The following GALNT13 variants were observed in gnomAD, a reference collection of about 807,000 sequenced individuals.
GALNT13 encodes UDP-GalNAc:polypeptide N-acetylgalactosaminyltransferase 13.
A neutral mutation model predicts 64.2 loss-of-function variants in GALNT13; 28 were observed. The ratio of observed to expected loss-of-function variants is 0.44; its 90% CI spans 0.32 to 0.60. The LOEUF is 0.60. Ranked by LOEUF, GALNT13 falls within the 20% of genes least tolerant of loss-of-function variation. The pLI is 0.05. For missense variants in GALNT13, 577 were observed against 669.8 expected, an observed-to-expected ratio of 0.86 and a Z score of 1.53; for synonymous variants, 214 against 224.6, an observed-to-expected ratio of 0.95 and a Z score of 0.42.
chr2:153,112,185 C>G, the GALNT13 span, among the ~76,000 whole-genome samples: 1 of 152,118 alleles, frequency 6.6e-6, no homozygotes, highest in South Asian at 2.1e-4. Context: ...GGAACTGAAC[C>G]CTTATCTCAT....
At chr2:154,432,248 T>C (rs531081557) in intron 11 of GALNT13, among the ~76,000 whole-genome samples, 16 of 152,196 alleles carry the variant, frequency 1.1e-4, no homozygotes, top group South Asian at 2.1e-4. Context: ...TTTTATACTA[T>C]TGGAAAGTAT....
At chr2:153,517,112 G>C in the GALNT13 span, among the ~76,000 whole-genome samples, 1 of 152,160 alleles carries the variant, frequency 6.6e-6, no homozygotes, top group Non-Finnish European at 1.5e-5. Flanking sequence ...CTATTGCAAG[G>C]GACTAGTGGT....
rs182309513 is a variant in GALNT13 at position 154,409,267 on chromosome 2, A to G, written c.1395+185A>G. ...GATCTTAAAGGAGAGCTGAAAAATT[A>G]AAATAAAAAGAGCAACACTTTCAGT... On this transcript the variant is annotated intron_variant, in intron 11 of 12. Coordinates refer to ENST00000392825, the MANE Select transcript of GALNT13 (RefSeq NM_052917.4). The G allele has an allele frequency of 9.9e-4, 584 of 591,608 alleles. 2 individuals are homozygous for G. The highest frequency in any genetic ancestry group is 4.8e-4 in the Non-Finnish European group (158 of 332,228). The allele number at this position is 591,608 out of a possible 1,614,324, so 36.6% of individuals were successfully genotyped here. A position where few individuals can be genotyped will look rare whatever the true frequency, so the allele number is the denominator to read the frequency against.
chr2:154,046,741 G>T (rs1298214992), intron 3 of GALNT13, among the ~76,000 whole-genome samples: 1 of 152,070 alleles, frequency 6.6e-6, no homozygotes, highest in African/African-American at 2.4e-5. Context: ...CTTATAAGAG[G>T]AAAAGACACT....
chr2:153,440,722 T>C, the GALNT13 span, among the ~76,000 whole-genome samples: 1 of 152,230 alleles, frequency 6.6e-6, no homozygotes, highest in African/African-American at 2.4e-5. Flanking sequence ...CTTTTTTTCA[T>C]ATGTCTGTTG....
the GALNT13 span, among the ~76,000 whole-genome samples, chr2:153,799,685 C>T: frequency 3.2e-4 from 49 of 152,172 alleles, 1 homozygote; most frequent in African/African-American, 1.4e-4. Context: ...CCTATATCAC[C>T]GTATCAGATA....
At chr2:153,645,704 A>G in the GALNT13 span, among the ~76,000 whole-genome samples, 6 of 152,118 alleles carry the variant, frequency 3.9e-5, no homozygotes, top group Non-Finnish European at 7.4e-5. Flanking sequence ...GAAAAAAAGC[A>G]TTTTTTATGT....
At chr2:153,738,697 G>T in the GALNT13 span, among the ~76,000 whole-genome samples, 3 of 151,784 alleles carry the variant, frequency 2.0e-5, no homozygotes, top group African/African-American at 7.2e-5. Context: ...TCTTTGAGTT[G>T]ATTTTTTAGG....
chr2:153,943,562 T>A (rs1691498222), intron 2 of GALNT13, among the ~76,000 whole-genome samples: 1 of 152,028 alleles, frequency 6.6e-6, no homozygotes, highest in Admixed American at 6.6e-5. Context: ...TTGTGTGATC[T>A]CAGCTTACTG....
At chr2:154,317,209 CAAA>C (rs10711591) in intron 9 of GALNT13, among the ~76,000 whole-genome samples, 3 of 103,370 alleles carry the variant, frequency 2.9e-5, no homozygotes, top group African/African-American at 3.7e-5. Context: ...CGAGACATCT[CAAA>C]AAAAAAAAAA....
At chr2:153,556,663 T>TTAAG in the GALNT13 span, among the ~76,000 whole-genome samples, 1 of 152,204 alleles carries the variant, frequency 6.6e-6, no homozygotes, top group Non-Finnish European at 1.5e-5. Flanking sequence ...TACAAGTGTG[T>TTAAG]TAAGTAGCCT....
chr2:153,434,090 T>TC, the GALNT13 span, among the ~76,000 whole-genome samples: 1 of 152,202 alleles, frequency 6.6e-6, no homozygotes, highest in South Asian at 2.1e-4. Context: ...TTTGGTTTTT[T>TC]GTCCTGGCAA....
the GALNT13 span, among the ~76,000 whole-genome samples, chr2:153,219,148 C>A: frequency 6.6e-6 from 1 of 152,196 alleles, no homozygotes; most frequent in Non-Finnish European, 1.5e-5. Flanking sequence ...GCATCCAATT[C>A]ATCAGGGAAT....
chr2:154,394,918 T>C (rs1180452112), intron 9 of GALNT13, among the ~76,000 whole-genome samples: 1 of 152,180 alleles, frequency 6.6e-6, no homozygotes, highest in Non-Finnish European at 1.5e-5. Context: ...GACAAGAAGG[T>C]CGGAGCTAGT....
chr2:153,197,946 G>A, the GALNT13 span, among the ~76,000 whole-genome samples: 2 of 152,166 alleles, frequency 1.3e-5, no homozygotes, highest in African/African-American at 4.8e-5. Context: ...CATGCACTTG[G>A]GCTCCCTTTG....
chr2:153,932,343 G>A (rs550376679), intron 2 of GALNT13, among the ~76,000 whole-genome samples: 1 of 151,458 alleles, frequency 6.6e-6, no homozygotes, highest in Admixed American at 6.6e-5. Context: ...AGATCAATTT[G>A]CCCTTGTTTT....
chr2:154,271,171 T>C (rs1691334039), intron 8 of GALNT13, among the ~76,000 whole-genome samples: 1 of 151,934 alleles, frequency 6.6e-6, no homozygotes, highest in Non-Finnish European at 1.5e-5. Flanking sequence ...ATAATGTTAT[T>C]AGAGAATGGA....
At chr2:153,346,798 C>T in the GALNT13 span, among the ~76,000 whole-genome samples, 1 of 152,096 alleles carries the variant, frequency 6.6e-6, no homozygotes, top group Non-Finnish European at 1.5e-5. Context: ...TATGTTAAAC[C>T]GTTTATATGC....
the GALNT13 span, among the ~76,000 whole-genome samples, chr2:153,624,573 A>G: frequency 5.3e-5 from 8 of 152,092 alleles, no homozygotes; most frequent in Non-Finnish European, 1.0e-4. Flanking sequence ...CATGCAACAG[A>G]GCCAAGTAGA....
Sources: allele counts gnomAD v4.1 joint callset (sites outside exome capture counted in the v4.1 genomes callset), GRCh38; gene constraint gnomAD v4.1.1; transcripts MANE v1.5; gene names NCBI Gene and HGNC (gene_info 2026-07-23, HGNC 2026-07-21).